VRK2: variants seen among roughly 807,000 people sequenced by gnomAD.
VRK2 encodes the protein serine/threonine-protein kinase VRK2.
In VRK2, 60 loss-of-function variants were observed where a neutral mutation model predicts 57.6. The ratio of observed to expected loss-of-function variants is 1.04; its 90% confidence interval spans 0.85 to 1.29. VRK2 has a LOEUF of 1.29. VRK2 is among the 50% of genes most tolerant of loss of function. The pLI, the probability that VRK2 is intolerant of heterozygous loss-of-function variation, is 0.00. For synonymous variants in VRK2, 231 were observed against 199.2 expected (o/e 1.16, Z -1.35); for missense variants, 705 against 588.1 (o/e 1.20, Z -2.06).
At position 57,966,452 on chromosome 2, in the gene VRK2, A is replaced by G. The variant is rs370142424; in HGVS notation, c.-439+58613A>G. Among the ~76,000 whole-genome samples, 8 of 152,116 alleles carry G rather than the reference A, an allele frequency of 5.3e-5. No homozygotes were observed. In the East Asian group the frequency reaches 5.8e-4, roughly 11 times the overall value. ...TTATGTTTTTGTTTTTGAGTTTACA[A>G]CCCCTAAGGACTGCCTTCCAGTTTG... On this transcript the variant is annotated intron_variant, in intron 1 of 15. Transcript: ENST00000417641.
chr2:58,060,339 A>G (rs145718005), intron 2 of VRK2, among the ~76,000 whole-genome samples: 1 of 152,062 alleles, frequency 6.6e-6, no homozygotes, highest in East Asian at 1.9e-4. Context: ...GATTGACTAT[A>G]ATAAAGAACT....
intron 11 of VRK2, among the ~76,000 whole-genome samples, chr2:58,144,449 T>C (rs1681813733): frequency 1.3e-5 from 2 of 152,196 alleles, no homozygotes; most frequent in African/African-American, 2.4e-5. Flanking sequence ...ACTTGATTGT[T>C]GTATTCATTT....
At chr2:58,049,832 A>G (rs919654839) in intron 2 of VRK2, among the ~76,000 whole-genome samples, 1 of 152,182 alleles carries the variant, frequency 6.6e-6, no homozygotes, top group African/African-American at 2.4e-5. Context: ...AACATGCTTC[A>G]TGGATCCTGA....
chr2:57,959,423 T>C (rs1284976548), intron 1 of VRK2, among the ~76,000 whole-genome samples: 3 of 152,182 alleles, frequency 2.0e-5, no homozygotes, highest in East Asian at 1.9e-4. Context: ...CTAAATCACA[T>C]ACAAAACATT....
intron 8 of VRK2, among the ~76,000 whole-genome samples, chr2:58,127,468 T>C (rs1678543708): frequency 6.6e-6 from 1 of 152,194 alleles, no homozygotes; most frequent in African/African-American, 2.4e-5. Flanking sequence ...GAGGCCTGGG[T>C]TTAATATTTT....
intron 2 of VRK2, among the ~76,000 whole-genome samples, chr2:58,027,625 T>A (rs1225445853): frequency 6.6e-6 from 1 of 152,146 alleles, no homozygotes; most frequent in East Asian, 1.9e-4. Flanking sequence ...GTTAGTCAAC[T>A]ATATAAATTA....
At chr2:57,943,821 G>A (rs1172341215) in intron 1 of VRK2, among the ~76,000 whole-genome samples, 2 of 152,214 alleles carry the variant, frequency 1.3e-5, no homozygotes, top group Non-Finnish European at 2.9e-5. Flanking sequence ...TCATTTCTCT[G>A]AAACAGAGGT....
chr2:57,926,181 G>GA (rs1465205641), intron 1 of VRK2, among the ~76,000 whole-genome samples: 1 of 151,640 alleles, frequency 6.6e-6, no homozygotes, highest in African/African-American at 2.4e-5. Flanking sequence ...ATGTGCTGAG[G>GA]AAAAAATGTA....
chr2:58,113,240 C>T (rs1426655046), intron 7 of VRK2, among the ~76,000 whole-genome samples: 13 of 148,160 alleles, frequency 8.8e-5, no homozygotes, highest in African/African-American at 2.8e-4. Context: ...ACCCGGGAGG[C>T]GGAGGTTGCA....
At chr2:58,106,075 A>T (rs1452021525) in intron 7 of VRK2, among the ~76,000 whole-genome samples, 1 of 151,954 alleles carries the variant, frequency 6.6e-6, no homozygotes, top group Non-Finnish European at 1.5e-5. Flanking sequence ...AGCCAATGCA[A>T]TCCAGATTTC....
intron 1 of VRK2, among the ~76,000 whole-genome samples, chr2:57,944,374 G>C (rs757922423): frequency 1.3e-5 from 2 of 152,222 alleles, no homozygotes; most frequent in African/African-American, 4.8e-5. Context: ...GCTATGGATG[G>C]ACAAAGAATG....
At chr2:57,911,448 T>C (rs1406321318) in intron 1 of VRK2, among the ~76,000 whole-genome samples, 1 of 152,130 alleles carries the variant, frequency 6.6e-6, no homozygotes, top group Non-Finnish European at 1.5e-5. Flanking sequence ...GCTGATGCGT[T>C]CTGATGGTCG....
intron 1 of VRK2, among the ~76,000 whole-genome samples, chr2:58,024,086 C>T (rs1012672340): frequency 3.3e-5 from 5 of 151,586 alleles, no homozygotes; most frequent in Non-Finnish European, 7.4e-5. Flanking sequence ...CCCGGGTTCA[C>T]GTCATTCTCC....
intron 1 of VRK2, among the ~76,000 whole-genome samples, chr2:57,967,589 G>A (rs1671963600): frequency 6.6e-6 from 1 of 152,014 alleles, no homozygotes; most frequent in African/African-American, 2.4e-5. Context: ...CAAAAATCTT[G>A]CGTGAGGCAG....
intron 2 of VRK2, among the ~76,000 whole-genome samples, chr2:58,067,169 G>T (rs1215902847): frequency 6.6e-6 from 1 of 152,172 alleles, no homozygotes; most frequent in Admixed American, 6.5e-5. Flanking sequence ...CACACCAGTG[G>T]TTTTTCAGGG....
At chr2:58,026,311 T>C (rs1673924031) in intron 2 of VRK2, among the ~76,000 whole-genome samples, 1 of 151,684 alleles carries the variant, frequency 6.6e-6, no homozygotes, top group Non-Finnish European at 1.5e-5. Flanking sequence ...CATGTGCACA[T>C]GTGTGAGAAA....
At chr2:58,010,941 AACAACCTTACTTTTTAGT>A (rs1250817924) in intron 1 of VRK2, among the ~76,000 whole-genome samples, 3 of 152,194 alleles carry the variant, frequency 2.0e-5, no homozygotes, top group Admixed American at 6.5e-5. Flanking sequence ...TTAATATATT[AACAACCTTACTTTTTAGT>A]ACAACTGTGA....
At chr2:58,025,224 G>C (rs970044728) in intron 1 of VRK2, among the ~76,000 whole-genome samples, 10 of 151,444 alleles carry the variant, frequency 6.6e-5, no homozygotes, top group South Asian at 2.1e-4. Context: ...TCCTCAGGCT[G>C]ATTCACTGTA....
chr2:57,949,748 A>C (rs950688627), intron 1 of VRK2, among the ~76,000 whole-genome samples: 5 of 152,242 alleles, frequency 3.3e-5, no homozygotes, highest in African/African-American at 1.2e-4. Flanking sequence ...TGAGGAAGGC[A>C]TTTCAAAAGC....
Sources: allele counts gnomAD v4.1 joint callset (sites outside exome capture counted in the v4.1 genomes callset), GRCh38; gene constraint gnomAD v4.1.1; transcripts MANE v1.5; gene names NCBI Gene and HGNC (gene_info 2026-07-23, HGNC 2026-07-21).